Variants in ATRNL1 observed in about 807,000 individuals in gnomAD.
ATRNL1 encodes attractin like 1.
In ATRNL1, 95 loss-of-function variants were observed where a neutral mutation model predicts 182.7. The ratio of observed to expected loss-of-function variants is 0.52; its 90% CI spans 0.44 to 0.62. The LOEUF is 0.62. Among genes scored for constraint, ATRNL1 ranks in the 20% least tolerant of loss-of-function variants. The pLI is 0.00. For synonymous variants in ATRNL1, 576 were observed against 568.3 expected (o/e 1.01, Z -0.19); for missense variants, 1,471 against 1,679.5 (o/e 0.88, Z 2.17).
chr10:115,686,129 C>T (rs1168255146), intron 26 of ATRNL1, among the ~76,000 whole-genome samples: 2 of 151,654 alleles, frequency 1.3e-5, no homozygotes. Context: ...AATAGCTTAG[C>T]ATTTTATTTG....
At chr10:115,301,751 G>A (rs1285774449) in intron 16 of ATRNL1, 104 bp from the exon 17 acceptor site, 12 of 887,298 alleles carry the variant, frequency 1.4e-5, no homozygotes, top group Non-Finnish European at 1.9e-5. Flanking sequence ...TGCCACAGTT[G>A]GCTTAATTGA....
At chr10:115,580,630 T>G (rs1314982722) in intron 26 of ATRNL1, among the ~76,000 whole-genome samples, 1 of 152,094 alleles carries the variant, frequency 6.6e-6, no homozygotes, top group Non-Finnish European at 1.5e-5. Flanking sequence ...TCTGTTTTCT[T>G]TCCCAGGTTT....
chr10:115,302,363 G>C (rs1230487201), intron 17 of ATRNL1, among the ~76,000 whole-genome samples: 1 of 152,142 alleles, frequency 6.6e-6, no homozygotes, highest in Non-Finnish European at 1.5e-5. Context: ...GCTTTGGTGA[G>C]CCTTTTTAGT....
intron 26 of ATRNL1, among the ~76,000 whole-genome samples, chr10:115,712,551 C>T (rs1357008610): frequency 3.3e-5 from 5 of 152,144 alleles, no homozygotes; most frequent in African/African-American, 1.2e-4. Flanking sequence ...CTTAGAGAAA[C>T]ATTGCTGCCT....
chr10:115,913,473 C>T (rs1405835438), intron 28 of ATRNL1, among the ~76,000 whole-genome samples: 2 of 152,236 alleles, frequency 1.3e-5, no homozygotes, highest in Admixed American at 6.5e-5. Flanking sequence ...TGTAAAGCCA[C>T]AGTTTCCTCA....
intron 26 of ATRNL1, among the ~76,000 whole-genome samples, chr10:115,561,704 GGT>G (rs71010029): frequency 8.4e-4 from 122 of 145,010 alleles, no homozygotes; most frequent in African/African-American, 2.6e-3. Flanking sequence ...TGTGTGTGTG[GGT>G]GTGTGTGTGT....
At chr10:115,725,525 T>A (rs1947569193) in intron 26 of ATRNL1, among the ~76,000 whole-genome samples, 1 of 152,212 alleles carries the variant, frequency 6.6e-6, no homozygotes, top group South Asian at 2.1e-4. Context: ...ATGCCGTTTA[T>A]ATGCTGAGGA....
At chr10:115,587,751 A>C (rs1555010666) in intron 26 of ATRNL1, among the ~76,000 whole-genome samples, 5 of 146,056 alleles carry the variant, frequency 3.4e-5, no homozygotes, top group African/African-American at 1.2e-4. Context: ...TGTAGACCAG[A>C]GCTGTTCCTA....
intron 27 of ATRNL1, among the ~76,000 whole-genome samples, chr10:115,739,066 GA>G (rs1948065127): frequency 6.6e-6 from 1 of 151,918 alleles, no homozygotes; most frequent in Non-Finnish European, 1.5e-5. Flanking sequence ...CATTTAAGAT[GA>G]ATATAAGCTA....
At chr10:115,107,573 ATGGGT>A (rs1564739698) in intron 1 of ATRNL1, among the ~76,000 whole-genome samples, 1 of 152,142 alleles carries the variant, frequency 6.6e-6, no homozygotes, top group African/African-American at 2.4e-5. Flanking sequence ...GAGGCTGCAC[ATGGGT>A]GACTCTATAG....
intron 7 of ATRNL1, among the ~76,000 whole-genome samples, chr10:115,167,741 T>G (rs1290121668): frequency 1.3e-5 from 2 of 152,142 alleles, no homozygotes; most frequent in African/African-American, 4.8e-5. Context: ...TGAAAACATA[T>G]ACCTACATTT....
chr10:115,627,455 C>T (rs1410750462), intron 26 of ATRNL1, among the ~76,000 whole-genome samples: 1 of 152,112 alleles, frequency 6.6e-6, no homozygotes, highest in African/African-American at 2.4e-5. Context: ...ACCTCTGCCT[C>T]CTGGGTTCTA....
intron 5 of ATRNL1, among the ~76,000 whole-genome samples, chr10:115,143,983 C>CT (rs58145958): frequency 0.062 from 8,713 of 139,522 alleles, 894 homozygotes; most frequent in African/African-American, 0.21. Flanking sequence ...TTTTTTGTTT[C>CT]TTTTTTTTTT....
chr10:115,670,851 T>G (rs1181977436), intron 26 of ATRNL1, among the ~76,000 whole-genome samples: 8 of 152,186 alleles, frequency 5.3e-5, no homozygotes, highest in Admixed American at 1.3e-4. Flanking sequence ...ACTCACAGTT[T>G]CTTTATCAGC....
Position 115,350,821 on chromosome 10 carries a change from T to C in ATRNL1, c.3175+16402T>C, listed in dbSNP as rs368736251. ...TCTGAGAAGAATGTCATTGGTATTT[T>C]GATAAGGAGTGCATTTAATCTGTAG... On this transcript the variant is annotated intron_variant, in intron 19 of 28. Coordinates refer to ENST00000355044, the MANE Select transcript of ATRNL1 (RefSeq NM_207303.4). Among the ~76,000 whole-genome samples, 124 of 152,318 alleles carry C rather than the reference T, an allele frequency of 8.1e-4. 2 individuals carry two copies. The South Asian group carries it at 0.025, about 31-fold the overall frequency.
chr10:115,495,609 T>G (rs1849505839), intron 24 of ATRNL1, among the ~76,000 whole-genome samples: 1 of 152,190 alleles, frequency 6.6e-6, no homozygotes, highest in Admixed American at 6.5e-5. Context: ...CTGTTTAACT[T>G]CCATGTGATT....
At chr10:115,145,103 T>C (rs993552424) in intron 5 of ATRNL1, among the ~76,000 whole-genome samples, 2 of 152,300 alleles carry the variant, frequency 1.3e-5, no homozygotes, top group East Asian at 3.9e-4. Flanking sequence ...ATTTTGACAG[T>C]TACGATTATT....
In ATRNL1 at chr10:115,171,282, A is replaced by G. The variant is rs1847281726; in HGVS notation, c.1338A>G (p.Glu446=). 2.5e-6 allele frequency: 4 copies of G among 1,578,098 alleles called. No homozygotes were observed. Among genetic ancestry groups the G allele is most frequent in the Non-Finnish European group, 3.5e-6 (4 of 1,156,942 alleles). Residue 446 remains glutamate (E), a synonymous_variant, in exon 8 of 29, where the codon GAA becomes GAG. Transcript: ENST00000355044. Reference sequence around the variant, plus strand: ...ATGGTTATACAAGCAGCATACAGGAATACCATATCTGTGAGTTACTTAAAA... The same window carrying G: ...ATGGTTATACAAGCAGCATACAGGAGTACCATATCTGTGAGTTACTTAAAA... ...AIYGYTSSIQ[E]YHISSNTWLV...
At chr10:115,303,179 A>G (rs2133981999) in intron 17 of ATRNL1, among the ~76,000 whole-genome samples, 1 of 148,652 alleles carries the variant, frequency 6.7e-6, no homozygotes, top group East Asian at 2.0e-4. Flanking sequence ...TTCTACCACC[A>G]TAGAAAGCTG....
Sources: allele counts gnomAD v4.1 joint callset (sites outside exome capture counted in the v4.1 genomes callset), GRCh38; gene constraint gnomAD v4.1.1; transcripts MANE v1.5; gene names NCBI Gene and HGNC (gene_info 2026-07-23, HGNC 2026-07-21).